The following ADAMTS16 variants were observed in gnomAD, a reference collection of about 807,000 sequenced individuals.
ADAMTS16 encodes the protein ADAM metallopeptidase with thrombospondin type 1 motif 16.
Under a neutral mutation model 145.8 loss-of-function variants are expected in ADAMTS16, and 94 were observed. The observed-to-expected ratio is 0.64, with a 90% CI of 0.55 to 0.77. The LOEUF (loss-of-function observed/expected upper bound fraction) is 0.77. Ranked by LOEUF, ADAMTS16 falls within the 30% of genes least tolerant of loss-of-function variation. ADAMTS16 has a pLI of 0.00. For synonymous variants in ADAMTS16, 659 were observed against 604.3 expected, an observed-to-expected ratio of 1.09 and a Z score of -1.33; for missense variants, 1,585 against 1,591.5, an observed-to-expected ratio of 1.00 and a Z score of 0.07.
chr5:5,254,628 G>T (rs1737727704), intron 17 of ADAMTS16, among the ~76,000 whole-genome samples: 1 of 152,096 alleles, frequency 6.6e-6, no homozygotes, highest in Non-Finnish European at 1.5e-5. Context: ...TTTATGAAAT[G>T]CTGAACTTTA....
intron 3 of ADAMTS16, among the ~76,000 whole-genome samples, chr5:5,177,953 G>A (rs767733642): frequency 1.3e-5 from 2 of 152,046 alleles, no homozygotes; most frequent in Non-Finnish European, 2.9e-5. Context: ...CTCAGTGACT[G>A]GGCGTTTATT....
intron 20 of ADAMTS16, among the ~76,000 whole-genome samples, chr5:5,304,134 C>T (rs1739919989): frequency 6.6e-6 from 1 of 152,184 alleles, no homozygotes; most frequent in Non-Finnish European, 1.5e-5. Flanking sequence ...AGGAAATGCG[C>T]GGCTCCTGAA....
intron 21 of ADAMTS16, among the ~76,000 whole-genome samples, chr5:5,312,267 C>G (rs1740485074): frequency 6.6e-6 from 1 of 152,060 alleles, no homozygotes; most frequent in African/African-American, 2.4e-5. Flanking sequence ...ACCCCTCCCC[C>G]AAAAGTATTC....
At chr5:5,151,964 T>C (rs963959461) in intron 3 of ADAMTS16, among the ~76,000 whole-genome samples, 1 of 152,166 alleles carries the variant, frequency 6.6e-6, no homozygotes, top group African/African-American at 2.4e-5. Flanking sequence ...TTCAACTTCT[T>C]TTTTAGATTC....
chr5:5,223,495 G>A (rs6894449), intron 11 of ADAMTS16: 49,948 of 152,246 alleles, frequency 0.33, 8,880 homozygotes, highest in East Asian at 0.6. Flanking sequence ...CTTAAGGGGG[G>A]ATGGTGGGAG....
At chr5:5,162,134 A>G (rs1024344517) in intron 3 of ADAMTS16, among the ~76,000 whole-genome samples, 1 of 152,226 alleles carries the variant, frequency 6.6e-6, no homozygotes, top group Admixed American at 6.5e-5. Context: ...TAATTTGAAT[A>G]GTTTCCAATA....
At chr5:5,164,204 C>T (rs1259697274) in intron 3 of ADAMTS16, among the ~76,000 whole-genome samples, 1 of 152,186 alleles carries the variant, frequency 6.6e-6, no homozygotes. Flanking sequence ...AGCTGGGAAC[C>T]CACAAGTGAA....
chr5:5,243,353 G>A (rs567332161), intron 17 of ADAMTS16, among the ~76,000 whole-genome samples: 1 of 152,316 alleles, frequency 6.6e-6, no homozygotes, highest in African/African-American at 2.4e-5. Context: ...TGACCAGAGA[G>A]AAATATGAAG....
At chr5:5,281,885 T>C (rs1399814952) in intron 18 of ADAMTS16, among the ~76,000 whole-genome samples, 1 of 152,108 alleles carries the variant, frequency 6.6e-6, no homozygotes, top group African/African-American at 2.4e-5. Context: ...TACAGACACA[T>C]ATCTGTGTGT....
chr5:5,305,939 A>G (rs901797727), intron 20 of ADAMTS16, among the ~76,000 whole-genome samples: 5 of 152,170 alleles, frequency 3.3e-5, no homozygotes, highest in Non-Finnish European at 1.5e-5. Flanking sequence ...TGCACAGGGC[A>G]CCTCTGCACA....
At chr5:5,311,544 CTCCTT>C (rs1740441333) in intron 21 of ADAMTS16, among the ~76,000 whole-genome samples, 1 of 85,688 alleles carries the variant, frequency 1.2e-5, no homozygotes, top group Non-Finnish European at 2.1e-5. Flanking sequence ...TATTAGTCTG[CTCCTT>C]TTTTTTTTTT....
intron 3 of ADAMTS16, among the ~76,000 whole-genome samples, chr5:5,157,923 G>A (rs1243942201): frequency 2.0e-5 from 3 of 152,118 alleles, no homozygotes; most frequent in African/African-American, 7.2e-5. Context: ...CCAACTTTTT[G>A]TAAGTTCCAA....
chr5:5,208,718 T>G (rs1736195976), intron 9 of ADAMTS16, among the ~76,000 whole-genome samples: 1 of 152,224 alleles, frequency 6.6e-6, no homozygotes, highest in African/African-American at 2.4e-5. Flanking sequence ...TTTATTTTTA[T>G]AATGCCCATC....
intron 14 of ADAMTS16, among the ~76,000 whole-genome samples, chr5:5,238,702 C>T (rs944938886): frequency 6.6e-6 from 1 of 152,112 alleles, no homozygotes; most frequent in African/African-American, 2.4e-5. Context: ...TAAACATGCC[C>T]TTTATGTAAT....
intron 14 of ADAMTS16, among the ~76,000 whole-genome samples, chr5:5,237,724 C>T (rs771628319): frequency 2.6e-5 from 4 of 152,016 alleles, no homozygotes; most frequent in Middle Eastern, 3.2e-3. Context: ...CTTCGCAGCT[C>T]GGACAGAGGC....
chr5:5,258,772 C>T (rs1299390401), intron 17 of ADAMTS16, among the ~76,000 whole-genome samples: 1 of 151,830 alleles, frequency 6.6e-6, no homozygotes, highest in African/African-American at 2.4e-5. Context: ...AGCTGAAACA[C>T]AGAAAAAATA....
intron 18 of ADAMTS16, among the ~76,000 whole-genome samples, chr5:5,274,076 T>C (rs1738589368): frequency 6.6e-6 from 1 of 152,222 alleles, no homozygotes; most frequent in Non-Finnish European, 1.5e-5. Flanking sequence ...CTTCATTTCA[T>C]GGCAACATTA....
chr5:5,200,638 G>T (rs1347537094), intron 9 of ADAMTS16, among the ~76,000 whole-genome samples: 3 of 152,060 alleles, frequency 2.0e-5, no homozygotes, highest in Non-Finnish European at 4.4e-5. Context: ...CAATAATAAA[G>T]CATAACTTTT....
intron 10 of ADAMTS16, among the ~76,000 whole-genome samples, chr5:5,212,680 T>C (rs1014833973): frequency 2.6e-5 from 4 of 152,214 alleles, no homozygotes; most frequent in African/African-American, 9.6e-5. Context: ...TGTGTTTATA[T>C]AAAATGTGTC....
Sources: allele counts gnomAD v4.1 joint callset (sites outside exome capture counted in the v4.1 genomes callset), GRCh38; gene constraint gnomAD v4.1.1; transcripts MANE v1.5; gene names NCBI Gene and HGNC (gene_info 2026-07-23, HGNC 2026-07-21).